The following ZNF609 variants were observed in gnomAD, a reference collection of about 807,000 sequenced individuals.
ZNF609 encodes the protein zinc finger protein 609.
ZNF609 carries 11 observed loss-of-function variants against 109.5 expected under a neutral mutation model. That is an observed-to-expected ratio of 0.10 (90% CI 0.06 to 0.17). ZNF609 has a LOEUF of 0.17. Ranked by LOEUF, ZNF609 falls within the 10% of genes least tolerant of loss-of-function variation. ZNF609 has a pLI of 1.00. For synonymous variants in ZNF609, 646 were observed against 662.0 expected (o/e 0.98, Z 0.37); for missense variants, 1,559 against 1,772.4 (o/e 0.88, Z 2.16).
intron 2 of ZNF609, among the ~76,000 whole-genome samples, chr15:64,587,938 C>T (rs1328206772): frequency 6.6e-6 from 1 of 151,714 alleles, no homozygotes; most frequent in African/African-American, 2.4e-5. Flanking sequence ...AGGGGTTTTT[C>T]CATGTTGGTC....
chr15:64,569,056 ACTAC>A (rs1301575234), intron 2 of ZNF609, among the ~76,000 whole-genome samples: 2 of 152,144 alleles, frequency 1.3e-5, no homozygotes, highest in Non-Finnish European at 2.9e-5. Flanking sequence ...GTGGCTTTTT[ACTAC>A]CTTCTTTTTC....
rs375578343 is a variant in ZNF609, at chr15:64,491,977, C to T, written c.-127-7316C>T. Among the ~76,000 whole-genome samples, 27 of 152,264 alleles carry T rather than the reference C, an allele frequency of 1.8e-4. No individual in the cohort carries two copies. The East Asian group carries it at 2.9e-3, about 16-fold the overall frequency. The stretch of plus-strand genomic sequence containing the variant: ...CCACATCGAGCCAGGCGTGGTGGCT[C>T]ATGCCTGTAATCCTAGCACTTTAGA... On this transcript the variant is annotated intron_variant, in intron 1 of 9. Transcript: ENST00000326648.
intron 1 of ZNF609, chr15:64,470,289 C>T (rs1271173936): frequency 6.6e-6 from 1 of 152,082 alleles, no homozygotes; most frequent in Non-Finnish European, 1.5e-5. Context: ...CTCAAGCCAT[C>T]CTCCTGCTTC....
At chr15:64,528,543 C>T in intron 2 of ZNF609, 1 of 560,968 alleles carries the variant, frequency 1.8e-6, no homozygotes, top group Non-Finnish European at 3.2e-6. Flanking sequence ...TCCAAGGGGT[C>T]TGCATGGAAA....
chr15:64,618,705 A>G (rs1895836021), intron 2 of ZNF609, among the ~76,000 whole-genome samples: 1 of 151,802 alleles, frequency 6.6e-6, no homozygotes, highest in African/African-American at 2.4e-5. Flanking sequence ...GCTTCGTTCC[A>G]CGGCCTGCTG....
chr15:64,676,251 C>G lies in ZNF609; in HGVS notation c.3397C>G (p.Arg1133Gly), dbSNP rs1896809450. 6.3e-7 allele frequency: 1 copy of G among 1,598,056 alleles called. No individual in the cohort carries two copies. Among genetic ancestry groups the G allele is most frequent in the African/African-American group, 1.3e-5 (1 of 74,094 alleles). ...AGAGATGGATCCAATACTCTGGTAC[C>G]GACAGGTAACTGTTGCCCTGGGAGG... is the stretch of plus-strand genomic sequence containing the variant. ...QAEMDPILWY[R>G]QEAEPRMWTY... Residue 1133 changes from arginine (R) to glycine (G), a missense_variant, in exon 5 of 10, where the codon CGA (arginine) becomes GGA (glycine). Arg to Gly is a moderately radical substitution (Grantham distance 125, BLOSUM62 -2). Coordinates refer to ENST00000326648, the MANE Select transcript of ZNF609 (RefSeq NM_015042.2).
chr15:64,654,382 T>C (rs947516432), intron 3 of ZNF609: 1 of 152,208 alleles, frequency 6.6e-6, no homozygotes, highest in African/African-American at 2.4e-5. Flanking sequence ...TATCCTTTTT[T>C]ATTATACATG....
chr15:64,594,489 C>T (rs941505581), intron 2 of ZNF609, among the ~76,000 whole-genome samples: 5 of 151,694 alleles, frequency 3.3e-5, no homozygotes, highest in Admixed American at 2.0e-4. Flanking sequence ...CTTAACACCA[C>T]ATCTGGCTAA....
At chr15:64,490,778 A>G (rs886560218) in intron 1 of ZNF609, among the ~76,000 whole-genome samples, 1 of 152,230 alleles carries the variant, frequency 6.6e-6, no homozygotes, top group Non-Finnish European at 1.5e-5. Context: ...AGCAGTAGTG[A>G]CAAACAACAA....
intron 2 of ZNF609, among the ~76,000 whole-genome samples, chr15:64,515,566 G>A (rs1893793821): frequency 6.6e-6 from 1 of 152,076 alleles, no homozygotes; most frequent in African/African-American, 2.4e-5. Flanking sequence ...CTTTTTAAAG[G>A]GGGGAGGGGT....
chr15:64,479,268 A>G (rs1596377865), intron 1 of ZNF609, among the ~76,000 whole-genome samples: 1 of 138,396 alleles, frequency 7.2e-6, no homozygotes, highest in East Asian at 2.1e-4. Flanking sequence ...CAAAACCTAT[A>G]TATTGTACCT....
intron 2 of ZNF609, among the ~76,000 whole-genome samples, chr15:64,524,599 G>A (rs1341650219): frequency 6.6e-6 from 1 of 150,408 alleles, no homozygotes; most frequent in African/African-American, 2.4e-5. Context: ...TTTTGTGTCT[G>A]ACTCCTTTCA....
intron 2 of ZNF609, among the ~76,000 whole-genome samples, chr15:64,570,071 G>T (rs1005141544): frequency 1.3e-5 from 2 of 152,100 alleles, no homozygotes; most frequent in African/African-American, 2.4e-5. Flanking sequence ...TATTGCCCAG[G>T]CTTGTCTCAA....
At chr15:64,522,490 T>G (rs1012312469) in intron 2 of ZNF609, among the ~76,000 whole-genome samples, 1 of 152,224 alleles carries the variant, frequency 6.6e-6, no homozygotes, top group Non-Finnish European at 1.5e-5. Flanking sequence ...ATTGATGTGA[T>G]CTCACCCTGG....
At chr15:64,636,099 G>A (rs970825119) in intron 3 of ZNF609, among the ~76,000 whole-genome samples, 1 of 152,136 alleles carries the variant, frequency 6.6e-6, no homozygotes, top group African/African-American at 2.4e-5. Context: ...GCTTTGTTAG[G>A]CCCATTCAGG....
chr15:64,558,982 T>C (rs1219555539), intron 2 of ZNF609, among the ~76,000 whole-genome samples: 1 of 152,158 alleles, frequency 6.6e-6, no homozygotes, highest in African/African-American at 2.4e-5. Context: ...TGTTTCACTC[T>C]ATCTCCCAGT....
intron 2 of ZNF609, among the ~76,000 whole-genome samples, chr15:64,555,679 C>T (rs541627211): frequency 9.9e-5 from 15 of 151,366 alleles, no homozygotes; most frequent in African/African-American, 1.9e-4. Flanking sequence ...GTCAAGTGTT[C>T]GAGACCAGCC....
rs1282277542 is a variant in ZNF609 at position 64,649,352 on chromosome 15, AT to A, written c.974-20991del. On this transcript the variant is annotated intron_variant, in intron 3 of 9. Transcript: ENST00000326648. ...CCAACACACACAAATCATATATCTG[AT>A]TTAAATCAGAACTCTGTCTCACACA... Among the ~76,000 whole-genome samples the A allele has an allele frequency of 3.9e-5, 6 of 152,118 alleles. No homozygotes were observed. The South Asian group carries it at 1.0e-3, about 26-fold the overall frequency.
At chr15:64,529,957 C>A (rs538454730) in intron 2 of ZNF609, among the ~76,000 whole-genome samples, 1 of 151,142 alleles carries the variant, frequency 6.6e-6, no homozygotes, top group African/African-American at 2.4e-5. Flanking sequence ...CTTGAACTGC[C>A]GACCTCAGGT....
Sources: gnomAD v4.1 joint callset for allele counts (sites outside exome capture counted in the v4.1 genomes callset) on GRCh38, gnomAD v4.1.1 for gene constraint, MANE v1.5 for transcripts, NCBI Gene and HGNC (gene_info 2026-07-23, HGNC 2026-07-21) for gene names.